Variants in AFF4 observed in about 807,000 individuals in gnomAD.
AFF4 encodes the protein ALF transcription elongation factor 4, also known as AF4/FMR2 family member 4.
Under a neutral mutation model 124.8 loss-of-function variants are expected in AFF4, and 13 were observed. That is an observed-to-expected ratio of 0.10 (90% CI 0.07 to 0.17). AFF4 has a LOEUF of 0.17. AFF4 is among the 10% of genes least tolerant of loss of function. The pLI, the probability that AFF4 is intolerant of heterozygous loss-of-function variation, is 1.00. For missense variants in AFF4, 1,092 were observed against 1,403.8 expected (o/e 0.78, Z 3.55); for synonymous variants, 477 against 496.1 (o/e 0.96, Z 0.51).
chr5:132,950,016 T>C (rs1478396009), intron 1 of AFF4, among the ~76,000 whole-genome samples: 2 of 151,470 alleles, frequency 1.3e-5, no homozygotes, highest in African/African-American at 4.9e-5. Flanking sequence ...GAGCAAGACC[T>C]GGTCTCAAAA....
chr5:132,888,989 C>T, intron 14 of AFF4, 90 bp downstream of exon 14: 1 of 1,272,814 alleles, frequency 7.9e-7, no homozygotes, highest in Non-Finnish European at 1.1e-6. Flanking sequence ...AGCCACCGCG[C>T]CCGGCCAATG....
intron 5 of AFF4, among the ~76,000 whole-genome samples, chr5:132,909,690 T>C (rs746698901): frequency 7.9e-5 from 12 of 152,210 alleles, no homozygotes; most frequent in Non-Finnish European, 1.6e-4. Context: ...ACAGAATATA[T>C]TGTACAGAGC....
At chr5:132,881,684 G>C (rs1194148142) in intron 20 of AFF4, among the ~76,000 whole-genome samples, 1 of 152,020 alleles carries the variant, frequency 6.6e-6, no homozygotes, top group African/African-American at 2.4e-5. Flanking sequence ...TAAATCCCAT[G>C]TTTTTATTTA....
At chr5:132,889,308 C>G in intron 13 of AFF4, 135 bp from the exon 14 acceptor site, 2 of 573,726 alleles carry the variant, frequency 3.5e-6, no homozygotes, top group South Asian at 5.2e-5. Flanking sequence ...TGTTACAAAA[C>G]TTTTATAAAC....
intron 11 of AFF4, among the ~76,000 whole-genome samples, chr5:132,894,953 A>C (rs1760351579): frequency 6.6e-6 from 1 of 152,204 alleles, no homozygotes; most frequent in African/African-American, 2.4e-5. Flanking sequence ...CCCTGTCTCT[A>C]AAAGTAAGAA....
intron 1 of AFF4, among the ~76,000 whole-genome samples, chr5:132,946,432 G>A (rs531811147): frequency 1.3e-5 from 2 of 152,276 alleles, no homozygotes; most frequent in Admixed American, 6.5e-5. Flanking sequence ...AACAGATGAC[G>A]ATCCATCAAC....
At chr5:132,919,445 A>G (rs1246126158) in intron 5 of AFF4, among the ~76,000 whole-genome samples, 2 of 152,276 alleles carry the variant, frequency 1.3e-5, no homozygotes, top group African/African-American at 4.8e-5. Context: ...AAAGATGCTA[A>G]TTGGATATGT....
chr5:132,883,610 T>C, intron 19 of AFF4, 50 bp from the exon 20 acceptor site: 1 of 1,509,912 alleles, frequency 6.6e-7, no homozygotes, highest in Non-Finnish European at 9.1e-7. Context: ...GTAAGCATTA[T>C]AAAATCAAGT....
intron 1 of AFF4, among the ~76,000 whole-genome samples, chr5:132,957,389 T>C (rs1489939046): frequency 6.6e-6 from 1 of 152,036 alleles, no homozygotes; most frequent in Non-Finnish European, 1.5e-5. Flanking sequence ...TTTAAAATGT[T>C]ATTTTATTTA....
At chr5:132,960,738 C>T (rs770611419) in intron 1 of AFF4, among the ~76,000 whole-genome samples, 1 of 152,040 alleles carries the variant, frequency 6.6e-6, no homozygotes, top group South Asian at 2.1e-4. Flanking sequence ...AATATTATCA[C>T]ATTCAAATTC....
chr5:132,923,782 T>C (rs549913863), intron 5 of AFF4, among the ~76,000 whole-genome samples: 21 of 152,188 alleles, frequency 1.4e-4, no homozygotes, highest in Non-Finnish European at 2.8e-4. Context: ...GCACTTACCC[T>C]ATGAACCAGC....
chr5:132,959,992 T>A (rs1762047464), intron 1 of AFF4, among the ~76,000 whole-genome samples: 1 of 152,024 alleles, frequency 6.6e-6, no homozygotes. Context: ...CCTGACCTCG[T>A]GATCCGCCAG....
In AFF4 at chr5:132,880,790, T is replaced by G. The variant is rs1368099950; in HGVS notation, c.*269A>C. 3.1e-6 allele frequency: 1 copy of G among 322,288 alleles called. No homozygotes were observed. The highest frequency in any genetic ancestry group is 1.4e-4 in the South Asian group (1 of 6,942). 20.0% of individuals were successfully genotyped at this position (322,288 alleles called of 1,614,324 possible). Reference sequence around the variant, plus strand: ...CAATTCATTAGTTATGAATTGCAACTGGAATTTCAATCTTATCATAGCTCA... The same window carrying G: ...CAATTCATTAGTTATGAATTGCAACGGGAATTTCAATCTTATCATAGCTCA... On this transcript the variant is annotated 3_prime_UTR_variant, in exon 21 of 21. Coordinates refer to ENST00000265343, the MANE Select transcript of AFF4 (RefSeq NM_014423.4).
At position 132,898,344 on chromosome 5, in the gene AFF4, C is replaced by T. The variant is rs1461615167; in HGVS notation, c.1275G>A (p.Arg425=). ...ATCCACTGTGGCTACTAGAATCATC[C>T]CTGGAGTTATCTGCTCCTTCACTAT... is the stretch of plus-strand genomic sequence containing the variant. ...HHNSEGADNS[R]DDSSSHSGSE... is the part of the protein sequence containing the mutation. The change falls in exon 10 of 21, where the codon AGG becomes AGA. Residue 425 remains arginine, a synonymous_variant. Transcript: ENST00000265343. 11 of 1,614,042 alleles carry T rather than the reference C, an allele frequency of 6.8e-6. No homozygotes were observed. The highest frequency in any genetic ancestry group is 8.5e-6 in the Non-Finnish European group (10 of 1,180,028).
intron 7 of AFF4, among the ~76,000 whole-genome samples, chr5:132,901,412 T>C (rs1760548868): frequency 6.6e-6 from 1 of 152,236 alleles, no homozygotes; most frequent in Non-Finnish European, 1.5e-5. Context: ...TTCTTAGTTC[T>C]TATATTCAGC....
chr5:132,905,438 A>G (rs756079645), intron 5 of AFF4, among the ~76,000 whole-genome samples: 2 of 152,252 alleles, frequency 1.3e-5, no homozygotes, highest in Admixed American at 6.5e-5. Flanking sequence ...TAGTTACAGA[A>G]TTGTCTGTGA....
At chr5:132,902,599 C>A in intron 6 of AFF4, 112 bp from the exon 7 acceptor site, 1 of 857,828 alleles carries the variant, frequency 1.2e-6, no homozygotes, top group Non-Finnish European at 1.9e-6. Flanking sequence ...TATAATTCTT[C>A]AACCACCAAA....
At chr5:132,894,530 A>T (rs1429687296) in intron 11 of AFF4, among the ~76,000 whole-genome samples, 1 of 152,240 alleles carries the variant, frequency 6.6e-6, no homozygotes, top group Non-Finnish European at 1.5e-5. Flanking sequence ...CCCTATACAA[A>T]TGAATAAAGA....
intron 19 of AFF4, among the ~76,000 whole-genome samples, chr5:132,884,537 G>A (rs1760067872): frequency 6.6e-6 from 1 of 152,172 alleles, no homozygotes; most frequent in South Asian, 2.1e-4. Context: ...ACCATGCCCG[G>A]CTTGTTTGTA....
Sources: gnomAD v4.1 joint callset for allele counts (sites outside exome capture counted in the v4.1 genomes callset) on GRCh38, gnomAD v4.1.1 for gene constraint, MANE v1.5 for transcripts, NCBI Gene and HGNC (gene_info 2026-07-23, HGNC 2026-07-21) for gene names.